Variants in STAB1 observed in about 807,000 individuals in gnomAD.
STAB1 encodes stabilin 1.
A neutral mutation model predicts 332.4 loss-of-function variants in STAB1; 250 were observed. The observed-to-expected ratio is 0.75, with a 90% confidence interval of 0.68 to 0.84. The LOEUF is 0.84. Among genes scored for constraint, STAB1 ranks in the 40% least tolerant of loss-of-function variants. STAB1 has a pLI of 0.00. For synonymous variants in STAB1, 1,475 were observed against 1,390.4 expected, an observed-to-expected ratio of 1.06 and a Z score of -1.35; for missense variants, 3,249 against 3,489.7, an observed-to-expected ratio of 0.93 and a Z score of 1.74.
intron 29 of STAB1, 28 bp from the exon 30 acceptor site, chr3:52,513,102 A>G: frequency 6.4e-7 from 1 of 1,555,130 alleles, no homozygotes; most frequent in Non-Finnish European, 8.7e-7. Flanking sequence ...ACCTGATTCC[A>G]TGACCCCCCT....
At chr3:52,507,793 C>A in intron 19 of STAB1, 118 bp downstream of exon 19, 1 of 1,478,146 alleles carries the variant, frequency 6.8e-7, no homozygotes, top group Non-Finnish European at 9.4e-7. Context: ...CACCTGGAGG[C>A]TAAGTGCTTC....
At chr3:52,511,617 T>G in intron 25 of STAB1, 33 bp from the exon 26 acceptor site, 1,603 of 1,570,188 alleles carry the variant, frequency 1.0e-3, no homozygotes, top group Non-Finnish European at 1.3e-3. Context: ...ATGCTCATCA[T>G]GAGACAAGGC....
At chr3:52,516,954 C>G in intron 41 of STAB1, 30 bp from the exon 42 acceptor site, 1 of 1,610,012 alleles carries the variant, frequency 6.2e-7, no homozygotes, top group Non-Finnish European at 8.5e-7. Context: ...CGTGCCTGCT[C>G]CTGAGGACTC....
chr3:52,505,176 G>A, intron 13 of STAB1, 33 bp downstream of exon 13: 1 of 1,610,364 alleles, frequency 6.2e-7, no homozygotes, highest in Non-Finnish European at 8.5e-7. Flanking sequence ...CCTCCCCTGT[G>A]CTGCTGGGTA....
At chr3:52,504,405 G>A in intron 10 of STAB1, 56 bp from the exon 11 acceptor site, 3 of 1,585,290 alleles carry the variant, frequency 1.9e-6, no homozygotes, top group Non-Finnish European at 2.6e-6. Flanking sequence ...AACATCTTCT[G>A]AGATCCCCAG....
Position 52,516,024 on chromosome 3 carries a change from C to A in STAB1, c.3949-19C>A, listed in dbSNP as rs369653373. 2,198 of 1,589,680 alleles carry A rather than the reference C, an allele frequency of 1.4e-3. 4 individuals carry two copies. The highest frequency in any genetic ancestry group is 1.8e-3 in the Non-Finnish European group (2,047 of 1,168,364). ...TTGCTGGGCCTCTCTCGCCCTCTCT[C>A]CCATCCCCACGCCGACAGGTGCCGG... On this transcript the variant is annotated intron_variant, in intron 37 of 68. Transcript: ENST00000321725.
rs763910935 is a variant in STAB1 at position 52,524,400 on chromosome 3, A to T, written c.*44A>T. The T allele has an allele frequency of 6.2e-7, 1 of 1,612,488 alleles. No homozygotes were observed. The highest frequency in any genetic ancestry group is 1.1e-5 in the South Asian group (1 of 91,032). On this transcript the variant is annotated 3_prime_UTR_variant, in exon 69 of 69. Coordinates refer to ENST00000321725, the MANE Select transcript of STAB1 (RefSeq NM_015136.3). Reference sequence around the variant, plus strand: ...CAGAAGCATGCACAGGGAGGAGACCACTTTTATTGCTTGTCTGGGTGGATG... The same window carrying T: ...CAGAAGCATGCACAGGGAGGAGACCTCTTTTATTGCTTGTCTGGGTGGATG...
chr3:52,523,885 G>T lies in STAB1; in HGVS notation c.7410G>T (p.Ala2470=). 1 of 1,603,792 alleles carries T rather than the reference G, an allele frequency of 6.2e-7. No homozygotes were observed. The change falls in exon 67 of 69, where the codon GCG becomes GCT. Residue 2470 remains alanine (A), a synonymous_variant. Transcript: ENST00000321725. ...TTTGTTTGTAGCAGGCAGTGCTGGC[G>T]CCTGAAGCCCCACCTGTGGCGGCAG... ...LAPPQPQAVL[A]PEAPPVAAGV...
chr3:52,516,291 G>A (rs113039644), intron 38 of STAB1, 53 bp downstream of exon 38: 1 of 1,607,604 alleles, frequency 6.2e-7, no homozygotes, highest in Non-Finnish European at 8.5e-7. Flanking sequence ...AGAGCAGCCT[G>A]GAGACCCCAG....
Position 52,521,914 on chromosome 3 carries a change from C to T in STAB1, c.6234C>T (p.Cys2078=), listed in dbSNP as rs533878135. Residue 2078 remains cysteine, a synonymous_variant, in exon 58 of 69, where the codon TGC becomes TGT. Coordinates refer to ENST00000321725, the MANE Select transcript of STAB1 (RefSeq NM_015136.3). The stretch of plus-strand genomic sequence containing the variant: ...GCCGTGCAGGCAACAGCTGTGAGTG[C>T]AGCCTGGGCTATGAAGGGGATGGCC... ...AVCRAGNSCE[C]SLGYEGDGRV... is the part of the protein sequence containing the mutation. The T allele has an allele frequency of 1.2e-6, 2 of 1,609,104 alleles. No individual in the cohort carries two copies. The highest frequency in any genetic ancestry group is 2.2e-5 in the South Asian group (2 of 90,574).
chr3:52,512,248 G>A, intron 26 of STAB1, 93 bp from the exon 27 acceptor site: 2 of 1,223,808 alleles, frequency 1.6e-6, no homozygotes, highest in Non-Finnish European at 2.4e-6. Flanking sequence ...CAGGGGCTGG[G>A]GCTGGGTGGC....
In STAB1 at chr3:52,512,654, G is replaced by T. The variant is rs1709379508; in HGVS notation, c.3027+11G>T. On this transcript the variant is annotated intron_variant, in intron 28 of 68. Transcript: ENST00000321725. ...TACCAATGGCTTAAGGTAGGACAGG[G>T]CAGAATGCTGGGGTTGAGGGCTCAA... The T allele has an allele frequency of 6.2e-7, 1 of 1,613,654 alleles. No individual in the cohort carries two copies.
chr3:52,502,839 C>T (rs1247748039), intron 6 of STAB1, 112 bp downstream of exon 6: 11 of 1,310,032 alleles, frequency 8.4e-6, no homozygotes, highest in Non-Finnish European at 1.2e-5. Context: ...CGCCTGGAGC[C>T]TAGTTGGGGA....
chr3:52,507,001 C>T lies in STAB1; in HGVS notation c.1989+151C>T. Reference sequence around the variant, plus strand: ...GCAGACTCCCAAGGACCCACCTGTGCTTCCCCCACGCTCACCCTCACCAGG... The same window carrying T: ...GCAGACTCCCAAGGACCCACCTGTGTTTCCCCCACGCTCACCCTCACCAGG... On this transcript the variant is annotated intron_variant, in intron 18 of 68. Coordinates refer to ENST00000321725, the MANE Select transcript of STAB1 (RefSeq NM_015136.3). The T allele has an allele frequency of 3.8e-6, 4 of 1,052,030 alleles. No homozygotes were observed. In the South Asian group the frequency reaches 6.6e-5, roughly 17 times the overall value. 65.2% of individuals were successfully genotyped at this position (1,052,030 alleles called of 1,614,324 possible).
At position 52,500,594 on chromosome 3, in the gene STAB1, C is replaced by T. The variant is rs536700377; in HGVS notation, c.79-572C>T. On this transcript the variant is annotated intron_variant, in intron 1 of 68. Transcript: ENST00000321725. Reference sequence around the variant, plus strand: ...AGTGGTGGCTGGAGGTCCAGCCCCACGGTGCATGGCTGGAGCCGGCATCGT... The same window carrying T: ...AGTGGTGGCTGGAGGTCCAGCCCCATGGTGCATGGCTGGAGCCGGCATCGT... Among the ~76,000 whole-genome samples, 45 of 152,338 alleles carry T rather than the reference C, an allele frequency of 3.0e-4. 1 individual carries two copies. The East Asian group carries it at 7.7e-3, about 26-fold the overall frequency.
rs118044204 is a variant in STAB1, at chr3:52,521,783, C to G, written c.6164-61C>G. ...GTAAAGGCACCAAGGGTGGGTGGAA[C>G]GGGCAGAGGCCAGGAAGGCAACTAC... On this transcript the variant is annotated intron_variant, in intron 57 of 68. Transcript: ENST00000321725. 305 of 1,598,198 alleles carry G rather than the reference C, an allele frequency of 1.9e-4. 5 individuals carry two copies. In the East Asian group the frequency reaches 4.7e-3, roughly 24 times the overall value.
intron 13 of STAB1, 26 bp downstream of exon 13, chr3:52,505,169 C>T: frequency 1.2e-6 from 2 of 1,610,882 alleles, no homozygotes; most frequent in East Asian, 2.2e-5. Context: ...CCCCTCCCCT[C>T]CCCTGTGCTG....
At position 52,517,004 on chromosome 3, in the gene STAB1, G is replaced by A. The variant is rs148813104; in HGVS notation, c.4384G>A (p.Gly1462Ser). 1.2e-5 allele frequency: 20 copies of A among 1,609,700 alleles called. No homozygotes were observed. In the East Asian group the frequency reaches 2.2e-4, roughly 18 times the overall value. ...FCSEVDPCAH[G>S]HGGCSPHANC... ...CTTAGAGGTGGACCCCTGCGCCCACGGCCATGGGGGCTGCTCCCCTCATGC... is the reference window on the plus strand; with the variant it reads ...CTTAGAGGTGGACCCCTGCGCCCACAGCCATGGGGGCTGCTCCCCTCATGC... Residue 1462 changes from glycine to serine, a missense_variant, in exon 42 of 69, where the codon GGC (glycine) becomes AGC (serine). Physicochemically the swap from Gly to Ser is moderately conservative, Grantham distance 56. Coordinates refer to ENST00000321725, the MANE Select transcript of STAB1 (RefSeq NM_015136.3).
chr3:52,522,745 G>T, intron 61 of STAB1, 30 bp from the exon 62 acceptor site: 12 of 1,612,740 alleles, frequency 7.4e-6, no homozygotes, highest in Non-Finnish European at 1.0e-5. Context: ...ACTGGGTCTT[G>T]GGTCTTAGTA....
Sources: allele counts gnomAD v4.1 joint callset (sites outside exome capture counted in the v4.1 genomes callset), GRCh38; gene constraint gnomAD v4.1.1; transcripts MANE v1.5; gene names NCBI Gene and HGNC (gene_info 2026-07-23, HGNC 2026-07-21).